Variants in PRKCA observed in about 807,000 individuals in gnomAD.
PRKCA encodes the protein protein kinase C alpha.
A neutral mutation model predicts 87.0 loss-of-function variants in PRKCA; 27 were observed. That is an observed-to-expected ratio of 0.31 (90% CI 0.23 to 0.43). The LOEUF is 0.43. Ranked by LOEUF, PRKCA falls within the 20% of genes least tolerant of loss-of-function variation. The pLI is 1.00. For synonymous variants in PRKCA, 329 were observed against 311.1 expected, an observed-to-expected ratio of 1.06 and a Z score of -0.61; for missense variants, 518 against 852.3, an observed-to-expected ratio of 0.61 and a Z score of 4.88.
At chr17:66,493,809 T>A (rs1916349060) in intron 2 of PRKCA, among the ~76,000 whole-genome samples, 2 of 152,144 alleles carry the variant, frequency 1.3e-5, no homozygotes, top group Non-Finnish European at 2.9e-5. Flanking sequence ...GTCTCATCGT[T>A]CTTGTGTAAT....
chr17:66,466,262 A>C (rs926896807), intron 2 of PRKCA, among the ~76,000 whole-genome samples: 1 of 152,178 alleles, frequency 6.6e-6, no homozygotes, highest in African/African-American at 2.4e-5. Flanking sequence ...CACGTGTGGA[A>C]AGAATTTGTG....
chr17:66,771,284 C>A (rs189594271), intron 13 of PRKCA, among the ~76,000 whole-genome samples: 2 of 152,148 alleles, frequency 1.3e-5, no homozygotes, highest in African/African-American at 4.8e-5. Flanking sequence ...GAATTACAGG[C>A]GTGAGCCACT....
intron 13 of PRKCA, among the ~76,000 whole-genome samples, chr17:66,744,678 T>C (rs1974234748): frequency 6.6e-6 from 1 of 152,240 alleles, no homozygotes; most frequent in African/African-American, 2.4e-5. Context: ...TATGAGTTCC[T>C]GTTGCCACTG....
At chr17:66,449,014 G>A (rs1914178081) in intron 2 of PRKCA, among the ~76,000 whole-genome samples, 1 of 151,328 alleles carries the variant, frequency 6.6e-6, no homozygotes, top group Non-Finnish European at 1.5e-5. Context: ...GCCAGGTGAG[G>A]TGGCTCATGC....
chr17:66,466,331 G>T (rs531337699), intron 2 of PRKCA, among the ~76,000 whole-genome samples: 86 of 152,288 alleles, frequency 5.6e-4, no homozygotes, highest in African/African-American at 1.9e-3. Flanking sequence ...CTTGGTCCCA[G>T]GTGTCCCAGC....
At chr17:66,318,858 A>G (rs1402135131) in intron 2 of PRKCA, among the ~76,000 whole-genome samples, 3 of 151,976 alleles carry the variant, frequency 2.0e-5, no homozygotes, top group Non-Finnish European at 4.4e-5. Flanking sequence ...CGGTCTCAAA[A>G]AAAAAAAGAC....
intron 3 of PRKCA, among the ~76,000 whole-genome samples, chr17:66,544,340 C>T (rs1439208109): frequency 1.3e-5 from 2 of 152,102 alleles, no homozygotes; most frequent in Non-Finnish European, 2.9e-5. Context: ...TTCTAGGTCA[C>T]CACTGTGATC....
intron 2 of PRKCA, among the ~76,000 whole-genome samples, chr17:66,492,078 T>C (rs969806194): frequency 6.6e-6 from 1 of 152,206 alleles, no homozygotes; most frequent in Non-Finnish European, 1.5e-5. Flanking sequence ...ATTTCGAATC[T>C]TCAAGTAGGC....
intron 8 of PRKCA, among the ~76,000 whole-genome samples, chr17:66,713,272 G>C (rs1412487567): frequency 5.3e-5 from 8 of 152,114 alleles, no homozygotes; most frequent in African/African-American, 1.9e-4. Context: ...GGCTGGTCTT[G>C]AAGTCCTGAC....
chr17:66,549,459 T>C (rs1033099141), intron 3 of PRKCA, among the ~76,000 whole-genome samples: 29 of 152,186 alleles, frequency 1.9e-4, no homozygotes, highest in Non-Finnish European at 2.9e-5. Context: ...GGCCCAGGCC[T>C]CTCTAAAGAG....
Position 66,742,778 on chromosome 17 carries a change from C to A in PRKCA, c.1524+18C>A, listed in dbSNP as rs770194173. ...CCCCAGAGGTAGGAACCCCAGTGAT[C>A]GTTTTCTCAACCAGGACTCCCAAAC... On this transcript the variant is annotated intron_variant, in intron 13 of 16. Transcript: ENST00000413366. 6.2e-6 allele frequency: 10 copies of A among 1,610,828 alleles called. No individual in the cohort carries two copies. In the South Asian group the frequency reaches 6.6e-5, roughly 11 times the overall value.
chr17:66,541,226 C>T (rs919736501), intron 3 of PRKCA, among the ~76,000 whole-genome samples: 4 of 152,090 alleles, frequency 2.6e-5, no homozygotes, highest in African/African-American at 7.2e-5. Flanking sequence ...TGTTGTGTGC[C>T]GCTTCTCCAC....
At chr17:66,583,312 G>T (rs1969499995) in intron 3 of PRKCA, among the ~76,000 whole-genome samples, 2 of 152,092 alleles carry the variant, frequency 1.3e-5, no homozygotes, top group Admixed American at 6.6e-5. Flanking sequence ...GTATCTCATT[G>T]TCGTCTTTTT....
chr17:66,433,054 G>A (rs1913180215), intron 2 of PRKCA, among the ~76,000 whole-genome samples: 1 of 152,284 alleles, frequency 6.6e-6, no homozygotes, highest in African/African-American at 2.4e-5. Flanking sequence ...GGGGAAGGAG[G>A]TAGTTCAGAA....
intron 3 of PRKCA, among the ~76,000 whole-genome samples, chr17:66,517,154 C>T (rs1284318874): frequency 6.6e-6 from 1 of 151,862 alleles, no homozygotes; most frequent in Non-Finnish European, 1.5e-5. Flanking sequence ...CGTGGTGGTG[C>T]GCACCTGTAG....
chr17:66,737,651 G>T (rs1203248472), intron 10 of PRKCA, among the ~76,000 whole-genome samples: 1 of 152,192 alleles, frequency 6.6e-6, no homozygotes, highest in Non-Finnish European at 1.5e-5. Context: ...CAGTGGCCGC[G>T]GAGTCAGGCG....
intron 2 of PRKCA, among the ~76,000 whole-genome samples, chr17:66,396,994 C>G (rs533336240): frequency 2.6e-4 from 25 of 97,194 alleles, no homozygotes; most frequent in Non-Finnish European, 4.6e-4. Context: ...GAGACAGAGT[C>G]TGTCTCTGTC....
chr17:66,428,240 C>T (rs562312719), intron 2 of PRKCA, among the ~76,000 whole-genome samples: 1 of 152,228 alleles, frequency 6.6e-6, no homozygotes, highest in Admixed American at 6.5e-5. Context: ...GATTTGATGG[C>T]AGGGATGTGT....
intron 2 of PRKCA, among the ~76,000 whole-genome samples, chr17:66,373,837 G>T (rs1909250845): frequency 6.6e-6 from 1 of 152,148 alleles, no homozygotes; most frequent in African/African-American, 2.4e-5. Flanking sequence ...AGTATTCAAG[G>T]CTTGGATGTA....
Sources: gnomAD v4.1 joint callset for allele counts (sites outside exome capture counted in the v4.1 genomes callset) on GRCh38, gnomAD v4.1.1 for gene constraint, MANE v1.5 for transcripts, NCBI Gene and HGNC (gene_info 2026-07-23, HGNC 2026-07-21) for gene names.